The following GLCCI1 variants were observed in gnomAD, a reference collection of about 807,000 sequenced individuals.
The protein encoded by GLCCI1 is glucocorticoid-induced transcript 1 protein.
GLCCI1 carries 24 observed loss-of-function variants against 52.2 expected under a neutral mutation model. The ratio of observed to expected loss-of-function variants is 0.46; its 90% CI spans 0.33 to 0.65. GLCCI1 has a LOEUF of 0.65. GLCCI1 is among the 30% of genes least tolerant of loss of function. GLCCI1 has a pLI of 0.02. For missense variants in GLCCI1, 704 were observed against 701.5 expected (o/e 1.00, Z -0.04); for synonymous variants, 310 against 276.5 (o/e 1.12, Z -1.20).
chr7:7,969,664 G>A lies in GLCCI1; in HGVS notation c.314G>A (p.Ser105Asn). The change falls in exon 1 of 8, where the codon AGC (serine) becomes AAC (asparagine). Residue 105 changes from serine to asparagine, a missense_variant. Coordinates refer to ENST00000223145, the MANE Select transcript of GLCCI1 (RefSeq NM_138426.4). The surrounding 1 kb of genome is among the most constrained non-coding windows in gnomAD (Gnocchi z 4.9). The part of the protein sequence containing the change: ...LPGPGAARGP[S>N]PSSPTPPAAA... Reference sequence around the variant, plus strand: ...GGGCCCGGCGCGGCCCGCGGCCCCAGCCCGTCCAGCCCGACGCCGCCGGCG... The same window carrying A: ...GGGCCCGGCGCGGCCCGCGGCCCCAACCCGTCCAGCCCGACGCCGCCGGCG... 1 of 1,059,432 alleles carries A rather than the reference G, an allele frequency of 9.4e-7. No individual in the cohort carries two copies. Among genetic ancestry groups the A allele is most frequent in the Non-Finnish European group, 1.1e-6 (1 of 880,394 alleles). 65.6% of individuals were successfully genotyped at this position (1,059,432 alleles called of 1,614,324 possible). A position where few individuals can be genotyped will look rare whatever the true frequency, so the allele number is the denominator to read the frequency against.
At chr7:8,062,864 T>C (rs529920222) in intron 5 of GLCCI1, among the ~76,000 whole-genome samples, 1 of 152,350 alleles carries the variant, frequency 6.6e-6, no homozygotes, top group African/African-American at 2.4e-5. Flanking sequence ...TTATCCAGTC[T>C]ACCACTGATG....
chr7:8,034,669 A>C (rs1014102282), intron 3 of GLCCI1, among the ~76,000 whole-genome samples: 4 of 152,222 alleles, frequency 2.6e-5, no homozygotes, highest in African/African-American at 9.6e-5. Context: ...TAGAATATCA[A>C]GGGGAGAGTG....
intron 5 of GLCCI1, among the ~76,000 whole-genome samples, chr7:8,066,175 C>G (rs1782627152): frequency 6.6e-6 from 1 of 152,028 alleles, no homozygotes; most frequent in Non-Finnish European, 1.5e-5. Context: ...TATTTTCTAG[C>G]TTGTATGCAC....
chr7:7,994,896 ACT>A (rs1317923817), intron 1 of GLCCI1, among the ~76,000 whole-genome samples: 1 of 151,900 alleles, frequency 6.6e-6, no homozygotes, highest in Non-Finnish European at 1.5e-5. Flanking sequence ...ACACTCACAC[ACT>A]CTCCATATTT....
At chr7:8,059,601 G>T (rs1376372489) in intron 4 of GLCCI1, among the ~76,000 whole-genome samples, 1 of 152,058 alleles carries the variant, frequency 6.6e-6, no homozygotes, top group East Asian at 1.9e-4. Flanking sequence ...TAATACTGTT[G>T]CCACATTACT....
intron 3 of GLCCI1, among the ~76,000 whole-genome samples, chr7:8,034,162 T>C (rs1009255426): frequency 3.3e-5 from 5 of 152,152 alleles, no homozygotes; most frequent in African/African-American, 9.6e-5. Context: ...AAAAAGACAG[T>C]CTTTTCAACA....
intron 5 of GLCCI1, 145 bp downstream of exon 5, chr7:8,060,393 A>G (rs1782486887): frequency 1.6e-6 from 1 of 619,812 alleles, no homozygotes; most frequent in Non-Finnish European, 2.7e-6. Context: ...GTGGTTTTTA[A>G]CAGATTCAGA....
intron 3 of GLCCI1, among the ~76,000 whole-genome samples, chr7:8,034,986 A>G (rs78854168): frequency 0.017 from 2,537 of 152,218 alleles, 59 homozygotes; most frequent in East Asian, 0.084. Context: ...GGCAGGCCCA[A>G]TATATTTGGG....
At position 7,986,124 on chromosome 7, in the gene GLCCI1, A is replaced by T. The variant is rs550967509; in HGVS notation, c.457+16317A>T. On this transcript the variant is annotated intron_variant, in intron 1 of 7. Transcript: ENST00000223145. ...TGATCCTGTTACTGTCTGTATAAAA[A>T]GTTTTAAAGTGTATTCAATCTCTTT... 3.9e-5 allele frequency among the ~76,000 whole-genome samples: 6 copies of T among 152,302 alleles called. 1 individual carries two copies. Among genetic ancestry groups the T allele is most frequent in the African/African-American group, 1.4e-4 (6 of 41,576 alleles).
chr7:8,024,868 G>C (rs1488918382), intron 3 of GLCCI1: 2 of 152,162 alleles, frequency 1.3e-5, no homozygotes, highest in African/African-American at 4.8e-5. Flanking sequence ...CCTTTTCCTT[G>C]TCCCTAGCTC....
chr7:8,056,434 T>G (rs1266282008), intron 4 of GLCCI1, among the ~76,000 whole-genome samples: 1 of 152,238 alleles, frequency 6.6e-6, no homozygotes, highest in East Asian at 1.9e-4. Context: ...TTCCTAACAG[T>G]TCCTTTACCC....
At chr7:7,978,663 G>A (rs1025410019) in intron 1 of GLCCI1, among the ~76,000 whole-genome samples, 1 of 152,102 alleles carries the variant, frequency 6.6e-6, no homozygotes, top group African/African-American at 2.4e-5. Context: ...GAGTCTTTGT[G>A]ATGGATAAAG....
At chr7:8,036,053 A>G (rs978042256) in intron 3 of GLCCI1, among the ~76,000 whole-genome samples, 17 of 152,236 alleles carry the variant, frequency 1.1e-4, no homozygotes, top group Non-Finnish European at 5.9e-5. Flanking sequence ...AACAAAGATC[A>G]AGCATATACC....
In GLCCI1 at chr7:8,071,110, T is replaced by C; in HGVS notation, c.1156T>C (p.Leu386=). The C allele has an allele frequency of 6.2e-7, 1 of 1,614,102 alleles. No individual in the cohort carries two copies. Among genetic ancestry groups the C allele is most frequent in the South Asian group, 1.1e-5 (1 of 91,082 alleles). Residue 386 remains leucine, a synonymous_variant, in exon 6 of 8, where the codon TTG becomes CTG. Transcript: ENST00000223145. Reference sequence around the variant, plus strand: ...TGGTAGCCCTTGCTCAACAGAAGATTTGCTCTATGATCGTGATAAAGGTAA... The same window carrying C: ...TGGTAGCCCTTGCTCAACAGAAGATCTGCTCTATGATCGTGATAAAGGTAA... ...QDGSPCSTED[L]LYDRDKDSGS...
At chr7:8,039,075 C>T (rs1391721101) in intron 3 of GLCCI1, among the ~76,000 whole-genome samples, 2 of 151,980 alleles carry the variant, frequency 1.3e-5, no homozygotes, top group African/African-American at 4.8e-5. Context: ...CACCTTATAC[C>T]AGTCAGAATG....
chr7:8,023,935 A>G (rs1305125971), intron 3 of GLCCI1, among the ~76,000 whole-genome samples: 3 of 152,066 alleles, frequency 2.0e-5, no homozygotes, highest in African/African-American at 7.2e-5. Flanking sequence ...ACTACTTTAC[A>G]AAAAGAGCCA....
intron 3 of GLCCI1, among the ~76,000 whole-genome samples, chr7:8,040,815 T>A (rs144856939): frequency 8.8e-4 from 134 of 152,340 alleles, no homozygotes; most frequent in East Asian, 8.3e-3. Flanking sequence ...TCATTCAAAC[T>A]TAATCCGTAA....
At chr7:8,013,078 G>A (rs755987777) in intron 2 of GLCCI1, among the ~76,000 whole-genome samples, 5 of 152,110 alleles carry the variant, frequency 3.3e-5, no homozygotes, top group African/African-American at 4.8e-5. Context: ...TCAATTTACC[G>A]TATATGCTAG....
chr7:7,982,883 G>C (rs1198322528), intron 1 of GLCCI1, among the ~76,000 whole-genome samples: 1 of 152,098 alleles, frequency 6.6e-6, no homozygotes, highest in Admixed American at 6.6e-5. Flanking sequence ...AACATTGTCT[G>C]TCTAGGAGTT....
Sources: gnomAD v4.1 joint callset for allele counts (sites outside exome capture counted in the v4.1 genomes callset) on GRCh38, gnomAD v4.1.1 for gene constraint, Gnocchi (gnomAD v3.1) non-coding constraint, MANE v1.5 for transcripts, NCBI Gene and HGNC (gene_info 2026-07-23, HGNC 2026-07-21) for gene names.